Variants in CSMD1 observed in about 807,000 individuals in gnomAD.
CSMD1 encodes CUB and sushi domain-containing protein 1.
In CSMD1, 213 loss-of-function variants were observed where a neutral mutation model predicts 417.5. The observed-to-expected ratio is 0.51, with a 90% CI of 0.46 to 0.57. The LOEUF (loss-of-function observed/expected upper bound fraction) is 0.57. Among genes scored for constraint, CSMD1 ranks in the 20% least tolerant of loss-of-function variants. CSMD1 has a pLI of 0.00. For missense variants in CSMD1, 6,923 were observed against 4,529.7 expected, an observed-to-expected ratio of 1.53 and a Z score of -15.17; for synonymous variants, 2,862 against 1,736.8, an observed-to-expected ratio of 1.65 and a Z score of -16.11.
intron 1 of CSMD1, among the ~76,000 whole-genome samples, chr8:4,962,426 G>T (rs905536455): frequency 3.3e-5 from 5 of 152,016 alleles, no homozygotes; most frequent in African/African-American, 1.2e-4. Context: ...GCCAAAGCTG[G>T]CCTTGAACTA....
intron 2 of CSMD1, among the ~76,000 whole-genome samples, chr8:4,587,598 G>C (rs561532438): frequency 6.6e-6 from 1 of 152,144 alleles, no homozygotes; most frequent in South Asian, 2.1e-4. Flanking sequence ...GAAGAAATAA[G>C]CTTTACTTAC....
chr8:3,982,652 G>A (rs550236882), intron 5 of CSMD1, among the ~76,000 whole-genome samples: 12 of 152,028 alleles, frequency 7.9e-5, no homozygotes, highest in South Asian at 4.2e-4. Flanking sequence ...GTGGGGCAAA[G>A]ATAGGGCAGA....
intron 3 of CSMD1, among the ~76,000 whole-genome samples, chr8:4,227,584 AG>A (rs1336816168): frequency 1.3e-5 from 2 of 152,040 alleles, no homozygotes; most frequent in Non-Finnish European, 2.9e-5. Flanking sequence ...GAAGTCCCAC[AG>A]CCCCCGACCT....
At chr8:3,573,711 A>G (rs991623340) in intron 10 of CSMD1, among the ~76,000 whole-genome samples, 8 of 152,302 alleles carry the variant, frequency 5.3e-5, no homozygotes, top group East Asian at 1.9e-4. Flanking sequence ...AATAAGATGG[A>G]TATTTTGACA....
Position 3,162,274 on chromosome 8 carries a change from A to G in CSMD1, c.5729T>C (p.Val1910Ala). Residue 1910 changes from valine to alanine, a missense_variant, in exon 38 of 70, where the codon GTA becomes GCA. By Grantham distance (64) the Val-to-Ala change is moderately conservative. Transcript: ENST00000635120. ...TGGTTCTTGGCATGCAGCAAGACCTACAGCTAGAAATGCAAAGACAAATGC... is the reference window on the plus strand; with the variant it reads ...TGGTTCTTGGCATGCAGCAAGACCTGCAGCTAGAAATGCAAAGACAAATGC... Reference protein sequence around the residue: ...AAGFHLEYKTVGLAACQEPAL... With the variant: ...AAGFHLEYKTAGLAACQEPAL... 4 of 1,594,498 alleles carry G rather than the reference A, an allele frequency of 2.5e-6. No homozygotes were observed. The highest frequency in any genetic ancestry group is 2.6e-6 in the Non-Finnish European group (3 of 1,166,474).
intron 12 of CSMD1, among the ~76,000 whole-genome samples, chr8:3,417,020 T>C: frequency 6.6e-6 from 1 of 152,224 alleles, no homozygotes; most frequent in East Asian, 1.9e-4. Context: ...TCCCTGAATT[T>C]TAGTGAGAAT....
chr8:4,263,931 T>A (rs1409167378), intron 3 of CSMD1, among the ~76,000 whole-genome samples: 1 of 152,174 alleles, frequency 6.6e-6, no homozygotes, highest in African/African-American at 2.4e-5. Flanking sequence ...TACAGTGTTT[T>A]TCTATCTATA....
chr8:4,890,637 G>T (rs544025050), intron 1 of CSMD1, among the ~76,000 whole-genome samples: 5 of 151,906 alleles, frequency 3.3e-5, no homozygotes, highest in African/African-American at 1.2e-4. Context: ...CACAGCCATG[G>T]GCATCCTGGG....
intron 39 of CSMD1, among the ~76,000 whole-genome samples, chr8:3,153,451 A>T (rs2129036600): frequency 6.6e-6 from 1 of 152,306 alleles, no homozygotes; most frequent in East Asian, 1.9e-4. Flanking sequence ...CTTGCACAAG[A>T]TCCAAGAACC....
intron 46 of CSMD1, among the ~76,000 whole-genome samples, chr8:3,103,371 A>G (rs1475005277): frequency 6.6e-6 from 1 of 152,160 alleles, no homozygotes; most frequent in African/African-American, 2.4e-5. Flanking sequence ...CCCAGATGGT[A>G]CAGCCTGCTA....
At chr8:4,721,401 G>T (rs1809042986) in intron 1 of CSMD1, among the ~76,000 whole-genome samples, 1 of 152,098 alleles carries the variant, frequency 6.6e-6, no homozygotes, top group Non-Finnish European at 1.5e-5. Flanking sequence ...ATATAAAAAA[G>T]AATGAATCTG....
intron 3 of CSMD1, among the ~76,000 whole-genome samples, chr8:4,054,252 T>A (rs528047830): frequency 6.6e-6 from 1 of 150,446 alleles, no homozygotes; most frequent in South Asian, 2.1e-4. Context: ...AATGACGACT[T>A]TGAGAGTTAA....
intron 3 of CSMD1, among the ~76,000 whole-genome samples, chr8:4,404,454 T>C (rs1223957505): frequency 6.6e-6 from 1 of 152,114 alleles, no homozygotes; most frequent in African/African-American, 2.4e-5. Flanking sequence ...GAAAGTAATT[T>C]TTGCAAAGCC....
intron 5 of CSMD1, among the ~76,000 whole-genome samples, chr8:3,972,515 G>C (rs968224109): frequency 6.6e-6 from 1 of 152,028 alleles, no homozygotes; most frequent in Non-Finnish European, 1.5e-5. Context: ...CATTCTTTAG[G>C]AATATGGTTC....
At chr8:4,161,848 C>G (rs372810345) in intron 3 of CSMD1, among the ~76,000 whole-genome samples, 30 of 152,102 alleles carry the variant, frequency 2.0e-4, no homozygotes, top group Non-Finnish European at 3.4e-4. Context: ...GCATTTTTTT[C>G]TTTGCCATAG....
At chr8:4,546,465 A>C (rs1797639660) in intron 2 of CSMD1, among the ~76,000 whole-genome samples, 1 of 152,180 alleles carries the variant, frequency 6.6e-6, no homozygotes, top group Admixed American at 6.5e-5. Context: ...ACGGGCACCG[A>C]CCAACCCATG....
chr8:4,233,384 T>A (rs780681965), intron 3 of CSMD1, among the ~76,000 whole-genome samples: 4 of 152,172 alleles, frequency 2.6e-5, no homozygotes, highest in Non-Finnish European at 4.4e-5. Context: ...AGTACTATGT[T>A]CTGAAAGTGT....
chr8:3,308,687 A>G (rs1039089404), intron 23 of CSMD1, among the ~76,000 whole-genome samples, 184 bp from the exon 24 acceptor site: 1 of 144,450 alleles, frequency 6.9e-6, no homozygotes, highest in Admixed American at 6.9e-5. Flanking sequence ...CCCATTTGTG[A>G]TTTCTTGAAG....
intron 3 of CSMD1, among the ~76,000 whole-genome samples, chr8:4,260,828 C>G (rs1803829014): frequency 6.6e-6 from 1 of 152,256 alleles, no homozygotes; most frequent in South Asian, 2.1e-4. Flanking sequence ...TATTATGACA[C>G]TCTTTGTCTC....
Sources: gnomAD v4.1 joint callset for allele counts (sites outside exome capture counted in the v4.1 genomes callset) on GRCh38, gnomAD v4.1.1 for gene constraint, MANE v1.5 for transcripts, NCBI Gene and HGNC (gene_info 2026-07-23, HGNC 2026-07-21) for gene names.